SPG7: variants seen among roughly 807,000 people sequenced by gnomAD.
SPG7 encodes the protein mitochondrial inner membrane m-AAA protease component paraplegin.
Under a neutral mutation model 81.9 loss-of-function variants are expected in SPG7, and 103 were observed. The ratio of observed to expected loss-of-function variants is 1.26; its 90% CI spans 1.07 to 1.48. The LOEUF is 1.48. Among genes scored for constraint, SPG7 ranks in the 40% most tolerant of loss-of-function variants. SPG7 has a pLI of 0.00. For missense variants in SPG7, 1,241 were observed against 1,087.3 expected (o/e 1.14, Z -1.99); for synonymous variants, 534 against 444.2 (o/e 1.20, Z -2.54).
chr16:89,556,916 G>T lies in SPG7; in HGVS notation c.2211G>T (p.Val737=), dbSNP rs762674074. 2.5e-6 allele frequency: 4 copies of T among 1,613,930 alleles called. No individual in the cohort carries two copies. The African/African-American group carries it at 5.3e-5, about 22-fold the overall frequency. Residue 737 remains valine, a synonymous_variant, in exon 17 of 17, where the codon GTG becomes GTT. Transcript: ENST00000645818. ...ALANALLEKE[V]INYEDIEALI... is the part of the protein sequence containing the mutation. ...CAAACGCCCTTCTGGAAAAGGAAGTGATAAACTATGAGGACATTGAGGCTC... is the reference window on the plus strand; with the variant it reads ...CAAACGCCCTTCTGGAAAAGGAAGTTATAAACTATGAGGACATTGAGGCTC...
intron 10 of SPG7, chr16:89,545,575 C>A: frequency 4.6e-6 from 1 of 215,910 alleles, no homozygotes; most frequent in Non-Finnish European, 9.3e-6. Flanking sequence ...CACGGCTTCT[C>A]CAGGGGACAT....
intron 5 of SPG7, among the ~76,000 whole-genome samples, chr16:89,528,142 G>A (rs552197856): frequency 3.3e-5 from 5 of 151,706 alleles, no homozygotes; most frequent in Admixed American, 3.3e-4. Flanking sequence ...TGTAATTCCA[G>A]CACTTTGGGA....
chr16:89,523,494 A>G, intron 3 of SPG7: 1 of 347,122 alleles, frequency 2.9e-6, no homozygotes, highest in Admixed American at 3.9e-5. Flanking sequence ...ATTTGATCAA[A>G]CTCCAAGCAA....
At position 89,557,227 on chromosome 16, in the gene SPG7, T is replaced by G; in HGVS notation, c.*134T>G. On this transcript the variant is annotated 3_prime_UTR_variant, in exon 17 of 17. Coordinates refer to ENST00000645818, the MANE Select transcript of SPG7 (RefSeq NM_003119.4). ...AGTCCCTGCACAGTGACTTCTGAGATCTGTTGATTGATGACCCTTTTCATG... is the reference window on the plus strand; with the variant it reads ...AGTCCCTGCACAGTGACTTCTGAGAGCTGTTGATTGATGACCCTTTTCATG... 1 of 642,780 alleles carries G rather than the reference T, an allele frequency of 1.6e-6. No individual in the cohort carries two copies. The highest frequency in any genetic ancestry group is 1.8e-5 in the South Asian group (1 of 56,396). The allele number at this position is 642,780 out of a possible 1,614,324, so 39.8% of individuals were successfully genotyped here. A position where few individuals can be genotyped will look rare whatever the true frequency, so the allele number is the denominator to read the frequency against.
At chr16:89,546,014 C>T (rs1253704112) in intron 10 of SPG7, 1 of 396,364 alleles carries the variant, frequency 2.5e-6, no homozygotes, top group Non-Finnish European at 5.0e-6. Context: ...TTAACAGAGT[C>T]TCGCTGTGTT....
intron 9 of SPG7, among the ~76,000 whole-genome samples, chr16:89,535,273 G>A (rs1567917757): frequency 6.6e-6 from 1 of 152,208 alleles, no homozygotes; most frequent in South Asian, 2.1e-4. Flanking sequence ...CATGTTCCCT[G>A]TGCTGGCGCC....
Position 89,557,114 on chromosome 16 carries a change from G to C in SPG7, c.*21G>C. Reference sequence around the variant, plus strand: ...AGTAGTTGGGAGGTGTTGGCTGCACGTGCGGGTGGTCCGGGAAGTGAGGGC... The same window carrying C: ...AGTAGTTGGGAGGTGTTGGCTGCACCTGCGGGTGGTCCGGGAAGTGAGGGC... On this transcript the variant is annotated 3_prime_UTR_variant, in exon 17 of 17. Transcript: ENST00000645818. 1.2e-6 allele frequency: 2 copies of C among 1,601,610 alleles called. No individual in the cohort carries two copies. The highest frequency in any genetic ancestry group is 1.7e-6 in the Non-Finnish European group (2 of 1,172,204).
chr16:89,549,265 C>G (rs1198966138), intron 12 of SPG7: 2 of 456,622 alleles, frequency 4.4e-6, no homozygotes, highest in African/African-American at 4.0e-5. Flanking sequence ...GGACCACGAG[C>G]TGATTCAAGT....
chr16:89,526,367 T>G lies in SPG7; in HGVS notation c.657T>G (p.Ile219Met), dbSNP rs201464738. ...TGTACCGAATGCAGGTTGCAAATATTGACAAGTTTGAAGAGAAGCTTCGAG... is the reference window on the plus strand; with the variant it reads ...TGTACCGAATGCAGGTTGCAAATATGGACAAGTTTGAAGAGAAGCTTCGAG... The part of the protein sequence containing the change: ...ALMYRMQVAN[I>M]DKFEEKLRAA... The change falls in exon 5 of 17, where the codon ATT becomes ATG. Residue 219 changes from isoleucine (I) to methionine (M), a missense_variant. By Grantham distance (10) the Ile-to-Met change is conservative. Transcript: ENST00000645818. 6.2e-7 allele frequency: 1 copy of G among 1,614,154 alleles called. No individual in the cohort carries two copies.
chr16:89,509,354 G>C (rs2057980251), intron 1 of SPG7, among the ~76,000 whole-genome samples: 2 of 151,838 alleles, frequency 1.3e-5, no homozygotes, highest in South Asian at 4.2e-4. Context: ...GGGTTCAAGC[G>C]ATTCTCCTGC....
intron 16 of SPG7, 114 bp from the exon 17 acceptor site, chr16:89,556,773 G>C: frequency 1.2e-6 from 1 of 860,490 alleles, no homozygotes; most frequent in East Asian, 2.4e-5. Context: ...AAAGTGGCCT[G>C]TCCTGGGTGT....
chr16:89,542,677 T>A, intron 9 of SPG7, among the ~76,000 whole-genome samples: 1 of 152,146 alleles, frequency 6.6e-6, no homozygotes, highest in African/African-American at 2.4e-5. Context: ...CTCAGGACAG[T>A]GGCCCTGGAG....
chr16:89,515,859 C>T (rs2152395953), intron 3 of SPG7, among the ~76,000 whole-genome samples: 1 of 152,034 alleles, frequency 6.6e-6, no homozygotes, highest in South Asian at 2.1e-4. Context: ...AGGCGTGCGC[C>T]ACCACGCCCA....
chr16:89,532,593 G>T lies in SPG7; in HGVS notation c.1281G>T (p.Thr427=). 6.2e-7 allele frequency: 1 copy of T among 1,613,776 alleles called. No homozygotes were observed. The highest frequency in any genetic ancestry group is 8.5e-7 in the Non-Finnish European group (1 of 1,180,036). Residue 427 remains threonine (T), a synonymous_variant, in exon 9 of 17, where the codon ACG becomes ACT. Transcript: ENST00000645818. ...CCACCATGTCCGGCTTCTCCAACAC[G>T]GAGGAGGAGCAGACGCTCAACCAGC... is the stretch of plus-strand genomic sequence containing the variant. ...RSTTMSGFSN[T]EEEQTLNQLL...
intron 12 of SPG7, chr16:89,548,821 G>A (rs1228697398): frequency 1.7e-5 from 7 of 408,926 alleles, no homozygotes; most frequent in Non-Finnish European, 3.5e-5. Context: ...GTTCAGACCC[G>A]CACTGTCAGT....
At chr16:89,527,876 T>C (rs115656603) in intron 5 of SPG7, among the ~76,000 whole-genome samples, 1 of 150,788 alleles carries the variant, frequency 6.6e-6, no homozygotes, top group African/African-American at 2.4e-5. Flanking sequence ...AGGGAGGATC[T>C]CTTGAGCCCA....
intron 9 of SPG7, chr16:89,541,299 G>A (rs1465940873): frequency 1.0e-6 from 1 of 985,394 alleles, no homozygotes; most frequent in African/African-American, 1.7e-5. Context: ...GTTCTATGCA[G>A]CAGTAGAAGG....
In SPG7 at chr16:89,546,839, C is replaced by T. The variant is rs2058570767; in HGVS notation, c.1552+79C>T. The T allele has an allele frequency of 5.3e-6, 5 of 936,604 alleles. No individual in the cohort carries two copies. The Middle Eastern group carries it at 6.3e-4, about 118-fold the overall frequency. The allele number at this position is 936,604 out of a possible 1,614,324, so 58.0% of individuals were successfully genotyped here. ...TCACCTGCGCAAACAGCATCGAGGCCTCCTCTGTGGGGTGGGCGCTGCTCC... is the reference window on the plus strand; with the variant it reads ...TCACCTGCGCAAACAGCATCGAGGCTTCCTCTGTGGGGTGGGCGCTGCTCC... On this transcript the variant is annotated intron_variant, in intron 11 of 16. Transcript: ENST00000645818.
chr16:89,545,103 T>A, intron 10 of SPG7: 1 of 384,778 alleles, frequency 2.6e-6, no homozygotes, highest in South Asian at 2.2e-5. Flanking sequence ...TTATAGCAAA[T>A]CCTTTGAAAC....
Sources: gnomAD v4.1 joint callset for allele counts (sites outside exome capture counted in the v4.1 genomes callset) on GRCh38, gnomAD v4.1.1 for gene constraint, MANE v1.5 for transcripts, NCBI Gene and HGNC (gene_info 2026-07-23, HGNC 2026-07-21) for gene names.